TLN2: variants seen among roughly 807,000 people sequenced by gnomAD.
TLN2 encodes talin 2.
In TLN2, 118 loss-of-function variants were observed where a neutral mutation model predicts 294.7. The observed-to-expected ratio is 0.40, with a 90% confidence interval of 0.34 to 0.47. The LOEUF (loss-of-function observed/expected upper bound fraction) is 0.47. TLN2 is among the 20% of genes least tolerant of loss of function. The probability of loss-of-function intolerance (pLI) is 0.84; values close to 1 mark genes in which losing one functional copy is unlikely to be tolerated. For missense variants in TLN2, 3,083 were observed against 3,282.2 expected, an observed-to-expected ratio of 0.94 and a Z score of 1.48; for synonymous variants, 1,431 against 1,304.5, an observed-to-expected ratio of 1.10 and a Z score of -2.09.
Position 62,493,964 on chromosome 15 carries a change from C to T in TLN2, c.-237-95723C>T, listed in dbSNP as rs549297061. ...AATCTCCTTGTCTCAGGGGAGGACACTGCTGATGAAGAGTTTTTTTTAGAT... is the reference window on the plus strand; with the variant it reads ...AATCTCCTTGTCTCAGGGGAGGACATTGCTGATGAAGAGTTTTTTTTAGAT... On this transcript the variant is annotated intron_variant, in intron 1 of 58. Transcript: ENST00000636159. Among the ~76,000 whole-genome samples, 90 of 152,232 alleles carry T rather than the reference C, an allele frequency of 5.9e-4. 1 individual carries two copies. In the South Asian group the frequency reaches 0.018, roughly 31 times the overall value.
intron 1 of TLN2, among the ~76,000 whole-genome samples, chr15:62,540,834 A>G (rs569363378): frequency 8.5e-4 from 129 of 152,320 alleles, no homozygotes; most frequent in Middle Eastern, 6.8e-3. Context: ...GAAGATCACC[A>G]GGGAGTTCAG....
intron 3 of TLN2, among the ~76,000 whole-genome samples, chr15:62,623,427 A>G (rs1458607989): frequency 2.0e-5 from 3 of 152,246 alleles, no homozygotes; most frequent in African/African-American, 7.2e-5. Context: ...TGATGGTTCC[A>G]TCTACCAAAA....
chr15:62,551,548 A>AC (rs1567087965), intron 1 of TLN2, among the ~76,000 whole-genome samples: 4 of 148,878 alleles, frequency 2.7e-5, no homozygotes, highest in South Asian at 4.3e-4. Flanking sequence ...ACACACACAC[A>AC]AATAGCCAGA....
chr15:62,439,652 C>T (rs2035455148), intron 1 of TLN2, among the ~76,000 whole-genome samples: 1 of 152,114 alleles, frequency 6.6e-6, no homozygotes, highest in Non-Finnish European at 1.5e-5. Context: ...ATGCCACCAG[C>T]CTCTGGAAGC....
intron 11 of TLN2, among the ~76,000 whole-genome samples, chr15:62,681,017 T>G (rs76372319): frequency 1.7e-3 from 263 of 152,354 alleles, no homozygotes; most frequent in African/African-American, 5.9e-3. Context: ...CTTTGGCAGT[T>G]GTCAATTGTG....
intron 11 of TLN2, among the ~76,000 whole-genome samples, chr15:62,679,259 A>G (rs887044474): frequency 7.9e-5 from 12 of 152,226 alleles, no homozygotes; most frequent in Admixed American, 2.6e-4. Context: ...TGATCCAGCA[A>G]TCCCACTTCT....
At chr15:62,821,318 C>T (rs2067546274) in intron 54 of TLN2, among the ~76,000 whole-genome samples, 2 of 152,210 alleles carry the variant, frequency 1.3e-5, no homozygotes, top group Non-Finnish European at 1.5e-5. Flanking sequence ...AATGGTAGAA[C>T]CAGAGGCGGC....
chr15:62,535,043 T>C (rs992950686), intron 1 of TLN2, among the ~76,000 whole-genome samples: 5 of 152,208 alleles, frequency 3.3e-5, no homozygotes, highest in Admixed American at 3.3e-4. Flanking sequence ...TATTTGCTGC[T>C]AGGTATGGTA....
At chr15:62,582,454 A>C (rs1395130083) in intron 1 of TLN2, among the ~76,000 whole-genome samples, 1 of 152,246 alleles carries the variant, frequency 6.6e-6, no homozygotes, top group Non-Finnish European at 1.5e-5. Flanking sequence ...GGCGAAATAC[A>C]GACATGTAAA....
Position 62,766,417 on chromosome 15 carries a change from C to T in TLN2, c.5191C>T (p.His1731Tyr). 1 of 1,609,390 alleles carries T rather than the reference C, an allele frequency of 6.2e-7. No homozygotes were observed. The highest frequency in any genetic ancestry group is 1.1e-5 in the South Asian group (1 of 90,950). The change falls in exon 41 of 59, where the codon CAT (histidine) becomes TAT (tyrosine). Residue 1731 changes from histidine (H) to tyrosine (Y), a missense_variant. Transcript: ENST00000636159. The stretch of plus-strand genomic sequence containing the variant: ...TCGGGGAGAAGCAGCTCAGCTGGGA[C>T]ATAAGGTAATGCACACCGAGGGGAT... ...AARGEAAQLGHKVTQLASYFE... is the reference protein window; with the variant it reads ...AARGEAAQLGYKVTQLASYFE...
rs138746516 is a variant in TLN2, at chr15:62,738,225, C to T, written c.3579C>T (p.Ala1193=). The change falls in exon 30 of 59, where the codon GCC becomes GCT. Residue 1193 remains alanine, a synonymous_variant. Coordinates refer to ENST00000636159, the MANE Select transcript of TLN2 (RefSeq NM_015059.3). ...RQQRLAQVAK[A]VSHSLNNCVN... ...CTCCACGAATTCAGGTGGCTAAAGC[C>T]GTCTCACACTCCTTGAATAACTGCG... The T allele has an allele frequency of 6.4e-4, 1,029 of 1,613,512 alleles. 5 individuals carry two copies. The highest frequency in any genetic ancestry group is 1.3e-3 in the Middle Eastern group (8 of 6,062).
intron 9 of TLN2, among the ~76,000 whole-genome samples, chr15:62,667,066 G>T (rs541107136): frequency 1.3e-5 from 2 of 152,084 alleles, no homozygotes; most frequent in South Asian, 2.1e-4. Context: ...CCCGGATTCA[G>T]GCCGTTCTCC....
intron 3 of TLN2, among the ~76,000 whole-genome samples, chr15:62,625,298 A>G (rs1403775771): frequency 6.6e-6 from 1 of 152,172 alleles, no homozygotes; most frequent in African/African-American, 2.4e-5. Context: ...AGATGGAGTC[A>G]TCTTGATCAC....
chr15:62,396,861 C>A (rs1165692549), intron 1 of TLN2, among the ~76,000 whole-genome samples: 1 of 152,186 alleles, frequency 6.6e-6, no homozygotes, highest in Non-Finnish European at 1.5e-5. Flanking sequence ...TGCGCCACCA[C>A]TCCCAGCTAA....
At chr15:62,647,210 GT>G (rs1263294421) in intron 3 of TLN2, 64 bp from the exon 4 acceptor site, 118 of 1,276,566 alleles carry the variant, frequency 9.2e-5, no homozygotes, top group Non-Finnish European at 1.0e-4. Context: ...CACTTTTTTT[GT>G]TTTTTTTTCC....
chr15:62,615,687 T>C (rs2048258716), intron 2 of TLN2, among the ~76,000 whole-genome samples: 1 of 152,250 alleles, frequency 6.6e-6, no homozygotes, highest in African/African-American at 2.4e-5. Context: ...AAAGCAGTGA[T>C]GGATATCTTG....
In TLN2 at chr15:62,647,405, G is replaced by A. The variant is rs554667095; in HGVS notation, c.95G>A (p.Arg32Gln). 8 of 1,614,202 alleles carry A rather than the reference G, an allele frequency of 5.0e-6. No homozygotes were observed. The highest frequency in any genetic ancestry group is 1.6e-4 in the Middle Eastern group (1 of 6,062). Residue 32 changes from arginine to glutamine, a missense_variant, in exon 4 of 59, where the codon CGA (arginine) becomes CAA (glutamine). Arg to Gln is a conservative substitution (Grantham distance 43, BLOSUM62 1). Transcript: ENST00000636159. Reference protein sequence around the residue: ...EPSTAVYDACRVIRERVPEAQ... With the variant: ...EPSTAVYDACQVIRERVPEAQ... ...TCTACAGCTGTGTACGATGCGTGTC[G>A]AGTCATTCGGGAACGGGTGCCTGAG...
At chr15:62,505,352 A>G (rs187833128) in intron 1 of TLN2, among the ~76,000 whole-genome samples, 31 of 152,284 alleles carry the variant, frequency 2.0e-4, no homozygotes, top group African/African-American at 7.0e-4. Context: ...ATCTTACTTT[A>G]GCTTACACAC....
intron 2 of TLN2, among the ~76,000 whole-genome samples, chr15:62,590,357 C>G (rs546402665): frequency 6.6e-6 from 1 of 152,120 alleles, no homozygotes; most frequent in Non-Finnish European, 1.5e-5. Flanking sequence ...CTCCTCTCTT[C>G]CCCATTGTTT....
Sources: gnomAD v4.1 joint callset for allele counts (sites outside exome capture counted in the v4.1 genomes callset) on GRCh38, gnomAD v4.1.1 for gene constraint, MANE v1.5 for transcripts, NCBI Gene and HGNC (gene_info 2026-07-23, HGNC 2026-07-21) for gene names.